Variants in PUS10 observed in about 807,000 individuals in gnomAD.
PUS10 encodes tRNA pseudouridine synthase Pus10.
Under a neutral mutation model 75.0 loss-of-function variants are expected in PUS10, and 59 were observed. The ratio of observed to expected loss-of-function variants is 0.79; its 90% confidence interval spans 0.64 to 0.98. The LOEUF (loss-of-function observed/expected upper bound fraction) is 0.98. Among genes scored for constraint, PUS10 ranks in the 50% least tolerant of loss-of-function variants. The pLI is 0.00. For missense variants in PUS10, 650 were observed against 614.4 expected (o/e 1.06, Z -0.61); for synonymous variants, 219 against 211.6 (o/e 1.03, Z -0.30).
rs187632876 is a variant in PUS10, at chr2:61,004,714, C to T, written c.468+1843G>A. On this transcript the variant is annotated intron_variant, in intron 4 of 17. Transcript: ENST00000316752. ...CCATAAACATAATTTTCTGAAGAAA[C>T]CTGGGATGTGAAAAGAGTATACTGC... Among the ~76,000 whole-genome samples the T allele has an allele frequency of 8.8e-4, 132 of 150,158 alleles. 1 individual carries two copies. Among genetic ancestry groups the T allele is most frequent in the Non-Finnish European group, 1.6e-3 (105 of 67,674 alleles).
intron 4 of PUS10, among the ~76,000 whole-genome samples, chr2:60,998,193 A>C (rs533255774): frequency 6.6e-6 from 1 of 152,332 alleles, no homozygotes; most frequent in South Asian, 2.1e-4. Flanking sequence ...TTACCAATTA[A>C]AAAAGATTCT....
At chr2:60,947,841 A>C (rs963337552) in intron 16 of PUS10, among the ~76,000 whole-genome samples, 1 of 151,182 alleles carries the variant, frequency 6.6e-6, no homozygotes, top group African/African-American at 2.4e-5. Context: ...AAAAAAAAAA[A>C]AAAAAAAAAG....
At chr2:60,995,330 T>A (rs755342537) in intron 4 of PUS10, among the ~76,000 whole-genome samples, 8 of 152,178 alleles carry the variant, frequency 5.3e-5, no homozygotes, top group Non-Finnish European at 8.8e-5. Context: ...ATCTTGCTCC[T>A]CCTAAAAAAT....
rs1679416499 is a variant in PUS10, at chr2:61,008,848, G to A, written c.294C>T (p.Ser98=). 1 of 1,612,584 alleles carries A rather than the reference G, an allele frequency of 6.2e-7. No homozygotes were observed. The highest frequency in any genetic ancestry group is 1.3e-5 in the African/African-American group (1 of 74,896). Residue 98 remains serine (S), a synonymous_variant, in exon 3 of 18, where the codon AGC becomes AGT. Transcript: ENST00000316752. The stretch of plus-strand genomic sequence containing the variant: ...TTAAATTTGAGTTCTTGGAAGCAGT[G>A]CTTCCAACATGACTAACAGAGATCC... ...EGRISVSHVG[S]TASKNSNLNV... is the part of the protein sequence containing the mutation.
intron 4 of PUS10, among the ~76,000 whole-genome samples, chr2:60,985,505 C>T (rs1212063928): frequency 6.6e-6 from 1 of 151,720 alleles, no homozygotes; most frequent in Non-Finnish European, 1.5e-5. Context: ...ATATTTTTTT[C>T]TCTCTTTTTT....
At chr2:60,983,945 ATTAC>A (rs1677566086) in intron 4 of PUS10, among the ~76,000 whole-genome samples, 1 of 152,104 alleles carries the variant, frequency 6.6e-6, no homozygotes, top group African/African-American at 2.4e-5. Context: ...ACATGCATAT[ATTAC>A]TTTCCTAATA....
At chr2:60,963,483 T>C (rs1276028333) in intron 8 of PUS10, among the ~76,000 whole-genome samples, 11 of 152,154 alleles carry the variant, frequency 7.2e-5, no homozygotes, top group African/African-American at 2.7e-4. Context: ...TTTTTTAAGA[T>C]AAGAAAAGCC....
intron 1 of PUS10, 35 bp downstream of exon 1, chr2:61,017,973 G>T (rs1339386684): frequency 2.0e-5 from 27 of 1,322,190 alleles, no homozygotes; most frequent in African/African-American, 2.9e-5. Context: ...ACCCAACCTT[G>T]GGGATAGGGG....
At position 61,008,865 on chromosome 2, in the gene PUS10, C is replaced by T; in HGVS notation, c.277G>A (p.Val93Ile). The T allele has an allele frequency of 3.7e-6, 6 of 1,613,772 alleles. No individual in the cohort carries two copies. The highest frequency in any genetic ancestry group is 5.1e-6 in the Non-Finnish European group (6 of 1,179,798). ...LSQNGEGRIS[V>I]SHVGSTASKN... ...GAAGCAGTGCTTCCAACATGACTAA[C>T]AGAGATCCTTCCCTCTCCATTTTGA... The change falls in exon 3 of 18, where the codon GTT becomes ATT. Residue 93 changes from valine to isoleucine, a missense_variant. By Grantham distance (29) the Val-to-Ile change is conservative. Transcript: ENST00000316752.
At chr2:60,966,907 A>T (rs973603906) in intron 6 of PUS10, 2 of 152,360 alleles carry the variant, frequency 1.3e-5, no homozygotes, top group Admixed American at 1.3e-4. Flanking sequence ...ATTTAAGATG[A>T]CCTTCCTGTT....
chr2:60,961,593 T>C, intron 9 of PUS10, 45 bp from the exon 10 acceptor site: 4 of 1,493,502 alleles, frequency 2.7e-6, no homozygotes, highest in Middle Eastern at 1.7e-4. Flanking sequence ...AGACATAATA[T>C]TGAATCACAA....
intron 1 of PUS10, among the ~76,000 whole-genome samples, chr2:61,013,898 G>A (rs1253516642): frequency 2.0e-5 from 3 of 151,916 alleles, no homozygotes; most frequent in Non-Finnish European, 2.9e-5. Flanking sequence ...GGTGGCTGGC[G>A]CCTGCACTCC....
chr2:60,982,992 G>C (rs1465832918), intron 4 of PUS10, among the ~76,000 whole-genome samples: 4 of 151,940 alleles, frequency 2.6e-5, no homozygotes, highest in Non-Finnish European at 4.4e-5. Flanking sequence ...CCAATTCTAA[G>C]AATTTATCAG....
chr2:60,957,547 G>A (rs1675756507), intron 11 of PUS10, among the ~76,000 whole-genome samples: 1 of 152,254 alleles, frequency 6.6e-6, no homozygotes, highest in Non-Finnish European at 1.5e-5. Flanking sequence ...ATAATCGGCA[G>A]AACGTAAAAG....
At chr2:61,017,767 C>T (rs950397917) in intron 1 of PUS10, 2 of 1,549,650 alleles carry the variant, frequency 1.3e-6, no homozygotes, top group African/African-American at 1.4e-5. Context: ...GAGATGGCGT[C>T]CCAGCCGCCA....
intron 2 of PUS10, chr2:61,010,384 T>C (rs1392793951): frequency 1.1e-5 from 2 of 176,040 alleles, no homozygotes; most frequent in African/African-American, 2.4e-5. Context: ...AGTGGCATGA[T>C]CTCGGCTCAC....
intron 4 of PUS10, among the ~76,000 whole-genome samples, chr2:61,000,750 C>A (rs1558977456): frequency 6.6e-6 from 1 of 152,192 alleles, no homozygotes; most frequent in Non-Finnish European, 1.5e-5. Flanking sequence ...CTATTTTTAA[C>A]CCATTTTCCT....
At chr2:60,951,885 C>T (rs892442975) in intron 15 of PUS10, among the ~76,000 whole-genome samples, 1 of 152,168 alleles carries the variant, frequency 6.6e-6, no homozygotes, top group Non-Finnish European at 1.5e-5. Flanking sequence ...TTTTCAATGG[C>T]TGAATAGTAG....
At chr2:60,947,385 C>A (rs1208759942) in intron 16 of PUS10, among the ~76,000 whole-genome samples, 1 of 152,116 alleles carries the variant, frequency 6.6e-6, no homozygotes, top group East Asian at 1.9e-4. Context: ...GTCATAAATA[C>A]GTGACTTGCA....
Sources: gnomAD v4.1 joint callset for allele counts (sites outside exome capture counted in the v4.1 genomes callset) on GRCh38, gnomAD v4.1.1 for gene constraint, MANE v1.5 for transcripts, NCBI Gene and HGNC (gene_info 2026-07-23, HGNC 2026-07-21) for gene names.